Variants in AMBRA1 observed in about 807,000 individuals in gnomAD.
The protein encoded by AMBRA1 is autophagy and beclin 1 regulator 1.
In AMBRA1, 47 loss-of-function variants were observed where a neutral mutation model predicts 125.4. The ratio of observed to expected loss-of-function variants is 0.37; its 90% CI spans 0.30 to 0.48. The LOEUF (loss-of-function observed/expected upper bound fraction) is 0.48. Among genes scored for constraint, AMBRA1 ranks in the 20% least tolerant of loss-of-function variants. The probability of loss-of-function intolerance (pLI) is 0.99; values close to 1 mark genes in which losing one functional copy is unlikely to be tolerated. For missense variants in AMBRA1, 1,331 were observed against 1,693.4 expected, an observed-to-expected ratio of 0.79 and a Z score of 3.76; for synonymous variants, 626 against 655.5, an observed-to-expected ratio of 0.95 and a Z score of 0.69.
At chr11:46,484,805 A>G (rs1441953258) in intron 11 of AMBRA1, among the ~76,000 whole-genome samples, 1 of 141,354 alleles carries the variant, frequency 7.1e-6, no homozygotes, top group Admixed American at 7.0e-5. Flanking sequence ...CCACCACACC[A>G]GGCTAATTTT....
chr11:46,581,485 T>C (rs1345823036), intron 1 of AMBRA1, among the ~76,000 whole-genome samples: 1 of 152,092 alleles, frequency 6.6e-6, no homozygotes, highest in African/African-American at 2.4e-5. Context: ...TAGGCGCCTG[T>C]AGTCCCAGCT....
At chr11:46,456,162 C>T (rs961160182) in intron 11 of AMBRA1, among the ~76,000 whole-genome samples, 11 of 152,068 alleles carry the variant, frequency 7.2e-5, no homozygotes, top group African/African-American at 2.4e-4. Flanking sequence ...AGAACACATG[C>T]TACTGAAAGA....
At position 46,543,346 on chromosome 11, in the gene AMBRA1, C is replaced by T. The variant is rs760124943; in HGVS notation, c.671G>A (p.Arg224His). The change falls in exon 7 of 18, where the codon CGT becomes CAT. Residue 224 changes from arginine to histidine, a missense_variant. Around this residue, in one of 4 missense-constraint regions of AMBRA1, gnomAD observed 689 missense variants for 776.5 expected, o/e 0.89. Coordinates refer to ENST00000683756, the MANE Select transcript of AMBRA1 (RefSeq NM_001387011.1). ...PIDGTELSHY[R>H]QRALLQSQPV... is the part of the protein sequence containing the mutation. Reference sequence around the variant, plus strand: ...CTGTGATTGCAGGAGGGCACGCTGACGGTAGTGGGATAATTCTGTTCCATC... The same window carrying T: ...CTGTGATTGCAGGAGGGCACGCTGATGGTAGTGGGATAATTCTGTTCCATC... The T allele has an allele frequency of 1.1e-5, 18 of 1,613,830 alleles. No individual in the cohort carries two copies. Among genetic ancestry groups the T allele is most frequent in the East Asian group, 8.9e-5 (4 of 44,864 alleles).
At chr11:46,407,953 T>C (rs549306266) in intron 17 of AMBRA1, among the ~76,000 whole-genome samples, 6 of 152,204 alleles carry the variant, frequency 3.9e-5, no homozygotes, top group Non-Finnish European at 8.8e-5. Flanking sequence ...GAAGTGCTAA[T>C]TGGTTTTTAA....
chr11:46,587,381 A>C (rs904632546), intron 1 of AMBRA1, among the ~76,000 whole-genome samples: 5 of 151,900 alleles, frequency 3.3e-5, no homozygotes, highest in South Asian at 4.2e-4. Flanking sequence ...CCCTGCCACA[A>C]AAAAAAAGTA....
chr11:46,455,933 T>C (rs961217999), intron 11 of AMBRA1, among the ~76,000 whole-genome samples: 3 of 152,120 alleles, frequency 2.0e-5, no homozygotes, highest in Non-Finnish European at 4.4e-5. Flanking sequence ...CCTGTGTGGG[T>C]AGAGAAAGAG....
chr11:46,531,866 C>T (rs927754246), intron 7 of AMBRA1, among the ~76,000 whole-genome samples: 11 of 152,164 alleles, frequency 7.2e-5, no homozygotes, highest in African/African-American at 2.4e-4. Flanking sequence ...GCCTGTAATC[C>T]CAATACTTTG....
At chr11:46,405,878 C>T (rs527749456) in intron 17 of AMBRA1, among the ~76,000 whole-genome samples, 8 of 151,730 alleles carry the variant, frequency 5.3e-5, no homozygotes, top group South Asian at 4.2e-4. Context: ...ACTACAGATG[C>T]GTGCCACCAT....
Position 46,547,267 on chromosome 11 carries a change from T to C in AMBRA1, c.224A>G (p.His75Arg). 1 of 1,612,942 alleles carries C rather than the reference T, an allele frequency of 6.2e-7. No homozygotes were observed. Among genetic ancestry groups the C allele is most frequent in the Non-Finnish European group, 8.5e-7 (1 of 1,179,664 alleles). The change falls in exon 4 of 18, where the codon CAT becomes CGT. Residue 75 changes from histidine to arginine, a missense_variant. His to Arg is a conservative substitution (Grantham distance 29, BLOSUM62 0). Transcript: ENST00000683756. The part of the protein sequence containing the change: ...RTLLASTHVN[H>R]NIYITEVKTG... ...CTTCACCTCCGTAATATAGATATTA[T>C]GGTTCACATGGGTGGAGGCTAAGAG...
intron 11 of AMBRA1, among the ~76,000 whole-genome samples, chr11:46,469,113 A>T (rs1590885644): frequency 1.3e-5 from 2 of 152,234 alleles, no homozygotes; most frequent in East Asian, 3.8e-4. Context: ...ACTGAACTCC[A>T]GCCTGCGTGA....
At position 46,397,423 on chromosome 11, in the gene AMBRA1, G is replaced by A. The variant is rs750486919; in HGVS notation, c.*27C>T. 2 of 1,470,102 alleles carry A rather than the reference G, an allele frequency of 1.4e-6. No individual in the cohort carries two copies. The highest frequency in any genetic ancestry group is 2.4e-5 in the East Asian group (1 of 41,972). The allele number at this position is 1,470,102 out of a possible 1,614,324, so 91.1% of individuals were successfully genotyped here. A position where few individuals can be genotyped will look rare whatever the true frequency, so the allele number is the denominator to read the frequency against. ...GTCCGGTTTCTGCTTGGCGGTTCGAGGGGAGGCACCAGTGCAACGTTTGTC... is the reference window on the plus strand; with the variant it reads ...GTCCGGTTTCTGCTTGGCGGTTCGAAGGGAGGCACCAGTGCAACGTTTGTC... On this transcript the variant is annotated 3_prime_UTR_variant, in exon 18 of 18. Transcript: ENST00000683756.
chr11:46,542,997 G>C lies in AMBRA1; in HGVS notation c.1020C>G (p.Ser340=). 3 of 1,601,096 alleles carry C rather than the reference G, an allele frequency of 1.9e-6. No individual in the cohort carries two copies. Among genetic ancestry groups the C allele is most frequent in the Non-Finnish European group, 2.5e-6 (3 of 1,179,936 alleles). Residue 340 remains serine, a synonymous_variant, in exon 7 of 18, where the codon TCC becomes TCG. Coordinates refer to ENST00000683756, the MANE Select transcript of AMBRA1 (RefSeq NM_001387011.1). The surrounding 1 kb of genome is among the most constrained non-coding windows in gnomAD (Gnocchi z 5.9). ...PPASARATTP[S]FSFVQTEPFH... is the part of the protein sequence containing the mutation. ...AGGGCTCGGTCTGTACAAAAGAAAA[G>C]GAAGGGGTAGTAGCTCTGGCAGAAG...
rs533036365 is a variant in AMBRA1, at chr11:46,430,085, T to G, written c.2976+3389A>C. Reference sequence around the variant, plus strand: ...GCACGATAAACAGAGAAGGGAAAGATCAAAAGGACCCTAGATCCTAGAAAT... The same window carrying G: ...GCACGATAAACAGAGAAGGGAAAGAGCAAAAGGACCCTAGATCCTAGAAAT... On this transcript the variant is annotated intron_variant, in intron 14 of 17. Transcript: ENST00000683756. Among the ~76,000 whole-genome samples, 3 of 151,958 alleles carry G rather than the reference T, an allele frequency of 2.0e-5. No homozygotes were observed. The South Asian group carries it at 6.2e-4, about 32-fold the overall frequency.
Position 46,443,488 on chromosome 11 carries a change from C to T in AMBRA1, c.2632G>A (p.Ala878Thr), listed in dbSNP as rs1948119038. Residue 878 changes from alanine (A) to threonine (T), a missense_variant and splice_region_variant, in exon 12 of 18, where the codon GCT becomes ACT. Coordinates refer to ENST00000683756, the MANE Select transcript of AMBRA1 (RefSeq NM_001387011.1). ...TKFDLPEISNASVNVLVQNCK... is the reference protein window; with the variant it reads ...TKFDLPEISNTSVNVLVQNCK... Reference sequence around the variant, plus strand: ...ATACCCCCATTTGACATTGACTTACCATTACTGATTTCAGGGAGGTCAAAC... The same window carrying T: ...ATACCCCCATTTGACATTGACTTACTATTACTGATTTCAGGGAGGTCAAAC... 2 of 1,612,838 alleles carry T rather than the reference C, an allele frequency of 1.2e-6. No individual in the cohort carries two copies. The highest frequency in any genetic ancestry group is 1.7e-4 in the Middle Eastern group (1 of 6,060).
At chr11:46,547,689 G>C (rs747612817) in intron 3 of AMBRA1, 128 bp downstream of exon 3, 1 of 871,744 alleles carries the variant, frequency 1.1e-6, no homozygotes, top group Admixed American at 2.7e-5. Flanking sequence ...TTTCCGACAC[G>C]GGGCCAAAGT....
chr11:46,433,842 G>A (rs978680765), intron 13 of AMBRA1, among the ~76,000 whole-genome samples: 2 of 152,166 alleles, frequency 1.3e-5, no homozygotes, highest in Admixed American at 6.5e-5. Context: ...AAGGCTGAAC[G>A]CGGTGGCTCA....
At chr11:46,477,548 C>T (rs1024000626) in intron 11 of AMBRA1, among the ~76,000 whole-genome samples, 1 of 151,754 alleles carries the variant, frequency 6.6e-6, no homozygotes, top group South Asian at 2.1e-4. Flanking sequence ...CACTATGTTG[C>T]CCAGGCTGGG....
At chr11:46,516,018 A>ACTT (rs1951464055) in intron 7 of AMBRA1, among the ~76,000 whole-genome samples, 1 of 152,052 alleles carries the variant, frequency 6.6e-6, no homozygotes, top group Non-Finnish European at 1.5e-5. Context: ...TCCCACCTTA[A>ACTT]CTTCCTACCT....
At chr11:46,567,090 G>A (rs1351482057) in intron 1 of AMBRA1, among the ~76,000 whole-genome samples, 1 of 152,130 alleles carries the variant, frequency 6.6e-6, no homozygotes, top group Non-Finnish European at 1.5e-5. Context: ...TTGTTTGTTT[G>A]AGACAGAGTC....
Sources: gnomAD v4.1 joint callset for allele counts (sites outside exome capture counted in the v4.1 genomes callset) on GRCh38, gnomAD v4.1.1 for gene constraint, gnomAD v4.1.1 regional missense constraint, Gnocchi (gnomAD v3.1) non-coding constraint, MANE v1.5 for transcripts, NCBI Gene and HGNC (gene_info 2026-07-23, HGNC 2026-07-21) for gene names.